Variants in CACNA2D3 observed in about 807,000 individuals in gnomAD.
The protein encoded by CACNA2D3 is voltage-dependent calcium channel subunit alpha-2/delta-3.
CACNA2D3 carries 60 observed loss-of-function variants against 160.6 expected under a neutral mutation model. That is an observed-to-expected ratio of 0.37 (90% CI 0.30 to 0.46). The LOEUF (loss-of-function observed/expected upper bound fraction) is 0.46, where lower values mean the gene tolerates loss of function less well. CACNA2D3 is among the 20% of genes least tolerant of loss of function. The probability of loss-of-function intolerance (pLI) is 1.00; values close to 1 mark genes in which losing one functional copy is unlikely to be tolerated. For synonymous variants in CACNA2D3, 558 were observed against 492.9 expected (o/e 1.13, Z -1.75); for missense variants, 1,205 against 1,365.0 (o/e 0.88, Z 1.85).
intron 18 of CACNA2D3, among the ~76,000 whole-genome samples, chr3:54,873,912 C>T (rs1169485677): frequency 2.0e-5 from 3 of 152,186 alleles, no homozygotes; most frequent in Non-Finnish European, 2.9e-5. Context: ...GTGAAGTCTG[C>T]ACAAAATCTT....
chr3:54,326,476 T>C (rs1704123892), intron 3 of CACNA2D3, among the ~76,000 whole-genome samples: 1 of 152,222 alleles, frequency 6.6e-6, no homozygotes, highest in Non-Finnish European at 1.5e-5. Context: ...TATAAGGAAT[T>C]AATATCTATA....
At chr3:54,715,907 G>GA (rs1701042074) in intron 11 of CACNA2D3, among the ~76,000 whole-genome samples, 1 of 152,150 alleles carries the variant, frequency 6.6e-6, no homozygotes, top group South Asian at 2.1e-4. Context: ...GGAAGTAGGG[G>GA]AATTGAAGTC....
chr3:55,040,488 A>C (rs1703934313), intron 35 of CACNA2D3, among the ~76,000 whole-genome samples: 2 of 152,220 alleles, frequency 1.3e-5, no homozygotes, highest in Non-Finnish European at 2.9e-5. Context: ...TTTAGGCTAA[A>C]TCACAAGATG....
At chr3:54,278,164 C>G (rs112515950) in intron 2 of CACNA2D3, among the ~76,000 whole-genome samples, 17 of 152,182 alleles carry the variant, frequency 1.1e-4, no homozygotes, top group African/African-American at 4.1e-4. Context: ...ACAACCCCAT[C>G]AAAAAGTGGG....
chr3:54,667,407 CAAG>C (rs577128382), intron 11 of CACNA2D3, among the ~76,000 whole-genome samples: 126 of 152,214 alleles, frequency 8.3e-4, no homozygotes, highest in Middle Eastern at 3.4e-3. Context: ...AAGGAGGTGG[CAAG>C]AAGAAGGTCA....
At chr3:54,593,147 A>G (rs1350125556) in intron 9 of CACNA2D3, among the ~76,000 whole-genome samples, 1 of 152,204 alleles carries the variant, frequency 6.6e-6, no homozygotes, top group African/African-American at 2.4e-5. Context: ...TGCTTTTTAA[A>G]TGTCATGAGT....
intron 2 of CACNA2D3, among the ~76,000 whole-genome samples, chr3:54,240,894 G>C (rs1326160616): frequency 6.6e-6 from 1 of 151,782 alleles, no homozygotes; most frequent in Non-Finnish European, 1.5e-5. Context: ...GGCACCTGCT[G>C]CTATGCCTGG....
intron 4 of CACNA2D3, among the ~76,000 whole-genome samples, chr3:54,429,675 G>T (rs1044174537): frequency 5.3e-5 from 8 of 152,134 alleles, no homozygotes; most frequent in African/African-American, 1.7e-4. Context: ...CACTTTGCCA[G>T]ACTCTACTCA....
intron 4 of CACNA2D3, among the ~76,000 whole-genome samples, chr3:54,426,429 A>G (rs1005108830): frequency 2.6e-5 from 4 of 152,200 alleles, no homozygotes; most frequent in African/African-American, 7.2e-5. Flanking sequence ...TTTGGAATCA[A>G]TTACACAGTG....
At chr3:54,542,741 G>T (rs1272240671) in intron 5 of CACNA2D3, among the ~76,000 whole-genome samples, 2 of 151,958 alleles carry the variant, frequency 1.3e-5, no homozygotes, top group Non-Finnish European at 2.9e-5. Flanking sequence ...AGGGTGGTGG[G>T]TCTGCCTCTC....
chr3:54,341,875 A>G (rs922578807), intron 3 of CACNA2D3, among the ~76,000 whole-genome samples: 3 of 152,184 alleles, frequency 2.0e-5, no homozygotes, highest in African/African-American at 7.2e-5. Flanking sequence ...TGGGTCAATA[A>G]TGATAGTACT....
At chr3:54,736,746 A>T (rs926287819) in intron 11 of CACNA2D3, among the ~76,000 whole-genome samples, 1 of 152,008 alleles carries the variant, frequency 6.6e-6, no homozygotes. Flanking sequence ...TTGCCCTGTT[A>T]TTGTGTTCTC....
intron 27 of CACNA2D3, among the ~76,000 whole-genome samples, chr3:54,902,435 G>A (rs1032851693): frequency 1.3e-5 from 2 of 152,036 alleles, no homozygotes; most frequent in African/African-American, 4.8e-5. Context: ...CCATTTGTAC[G>A]CCAGCCTTGG....
At chr3:54,449,603 G>A (rs1041503592) in intron 4 of CACNA2D3, among the ~76,000 whole-genome samples, 1 of 152,120 alleles carries the variant, frequency 6.6e-6, no homozygotes, top group Non-Finnish European at 1.5e-5. Context: ...CATGGGGGAG[G>A]TTTCTCATGG....
chr3:54,628,585 A>T (rs561918395), intron 10 of CACNA2D3, among the ~76,000 whole-genome samples: 1 of 151,942 alleles, frequency 6.6e-6, no homozygotes, highest in South Asian at 2.1e-4. Context: ...AATAACAGGG[A>T]GGCCATTAAG....
At position 54,924,641 on chromosome 3, in the gene CACNA2D3, C is replaced by G. The variant is rs769756063; in HGVS notation, c.2449+24773C>G. On this transcript the variant is annotated intron_variant, in intron 27 of 37. Transcript: ENST00000474759. The stretch of plus-strand genomic sequence containing the variant: ...GACCTTTATAGACAAATTTCTCCAG[C>G]CAGAGTTTAAGACCGAGCAAGTGGC... The G allele has an allele frequency of 3.1e-6, 5 of 1,613,884 alleles. No individual in the cohort carries two copies. The South Asian group carries it at 5.5e-5, about 18-fold the overall frequency.
chr3:54,230,977 A>G (rs1025154978), intron 2 of CACNA2D3, among the ~76,000 whole-genome samples: 1 of 152,224 alleles, frequency 6.6e-6, no homozygotes, highest in Non-Finnish European at 1.5e-5. Context: ...AACATGATAG[A>G]TGATGATGGG....
intron 13 of CACNA2D3, among the ~76,000 whole-genome samples, chr3:54,810,815 G>A (rs570906896): frequency 2.0e-5 from 3 of 152,330 alleles, no homozygotes; most frequent in South Asian, 4.1e-4. Flanking sequence ...CCATGGGTCT[G>A]TGTGAAACTC....
At chr3:54,298,378 A>G (rs1703387344) in intron 2 of CACNA2D3, among the ~76,000 whole-genome samples, 1 of 152,260 alleles carries the variant, frequency 6.6e-6, no homozygotes, top group Non-Finnish European at 1.5e-5. Context: ...AATTTTGAAC[A>G]ATGCAGCAGT....
Sources: gnomAD v4.1 joint callset for allele counts (sites outside exome capture counted in the v4.1 genomes callset) on GRCh38, gnomAD v4.1.1 for gene constraint, MANE v1.5 for transcripts, NCBI Gene and HGNC (gene_info 2026-07-23, HGNC 2026-07-21) for gene names.